NDST4: variants seen among roughly 807,000 people sequenced by gnomAD.
NDST4 encodes the protein N-deacetylase and N-sulfotransferase 4.
A neutral mutation model predicts 100.8 loss-of-function variants in NDST4; 63 were observed. That is an observed-to-expected ratio of 0.62 (90% CI 0.51 to 0.77). The LOEUF (loss-of-function observed/expected upper bound fraction) is 0.77, where lower values mean the gene tolerates loss of function less well. Among genes scored for constraint, NDST4 ranks in the 30% least tolerant of loss-of-function variants. The probability of loss-of-function intolerance (pLI) is 0.00; values close to 1 mark genes in which losing one functional copy is unlikely to be tolerated. For missense variants in NDST4, 943 were observed against 1,018.4 expected (o/e 0.93, Z 1.01); for synonymous variants, 377 against 361.8 (o/e 1.04, Z -0.48).
chr4:114,899,140 A>T (rs1312395216), intron 6 of NDST4, among the ~76,000 whole-genome samples: 2 of 152,046 alleles, frequency 1.3e-5, no homozygotes, highest in Admixed American at 1.3e-4. Flanking sequence ...GTTTCTCAAC[A>T]TTAAGTATGA....
intron 6 of NDST4, among the ~76,000 whole-genome samples, chr4:114,923,229 A>T (rs17486477): frequency 6.6e-6 from 1 of 152,018 alleles, no homozygotes; most frequent in Non-Finnish European, 1.5e-5. Flanking sequence ...AAATATAAAA[A>T]TAGGAAAATA....
At chr4:115,106,627 A>G (rs1560602282) in intron 1 of NDST4, among the ~76,000 whole-genome samples, 1 of 152,158 alleles carries the variant, frequency 6.6e-6, no homozygotes, top group Non-Finnish European at 1.5e-5. Flanking sequence ...ACAGGAAAAA[A>G]TGCCTGCACA....
intron 2 of NDST4, among the ~76,000 whole-genome samples, chr4:115,007,717 C>T (rs1450134449): frequency 1.5e-5 from 2 of 129,490 alleles, no homozygotes; most frequent in African/African-American, 5.8e-5. Context: ...TAAAAGACCT[C>T]ATTAGCTGAT....
chr4:114,958,377 GT>G (rs1214178273), intron 4 of NDST4, among the ~76,000 whole-genome samples: 18 of 147,758 alleles, frequency 1.2e-4, no homozygotes, highest in African/African-American at 4.8e-4. Flanking sequence ...TTTGTAACAT[GT>G]TCCTCATCTC....
At chr4:114,894,652 AG>A (rs1385579555) in intron 6 of NDST4, among the ~76,000 whole-genome samples, 1 of 152,070 alleles carries the variant, frequency 6.6e-6, no homozygotes, top group Non-Finnish European at 1.5e-5. Flanking sequence ...TGAGATGATG[AG>A]GTTTCCTAAA....
At chr4:114,961,178 A>T (rs1726254756) in intron 4 of NDST4, among the ~76,000 whole-genome samples, 2 of 152,042 alleles carry the variant, frequency 1.3e-5, no homozygotes, top group African/African-American at 2.4e-5. Flanking sequence ...CCAACTTACT[A>T]ATACTTAGAG....
chr4:115,039,646 T>C (rs925905979), intron 2 of NDST4, among the ~76,000 whole-genome samples: 2 of 152,228 alleles, frequency 1.3e-5, no homozygotes, highest in African/African-American at 4.8e-5. Flanking sequence ...CAAAGCTAAA[T>C]GTACACCATG....
chr4:114,935,346 A>T lies in NDST4; in HGVS notation c.1408-12T>A. 3.2e-6 allele frequency: 5 copies of T among 1,559,294 alleles called. No individual in the cohort carries two copies. The highest frequency in any genetic ancestry group is 4.3e-6 in the Non-Finnish European group (5 of 1,153,600). On this transcript the variant is annotated splice_polypyrimidine_tract_variant and intron_variant, in intron 5 of 13. Transcript: ENST00000264363. ...TGTCGAGGGAGGACCTGAGTAAAAA[A>T]GGGGAAAAACAGCACATGGACGTGA...
At chr4:115,045,670 T>C (rs1728450145) in intron 2 of NDST4, among the ~76,000 whole-genome samples, 1 of 152,168 alleles carries the variant, frequency 6.6e-6, no homozygotes, top group African/African-American at 2.4e-5. Flanking sequence ...ACTGAGTCTG[T>C]CTTACAGAAG....
At chr4:115,074,558 G>A (rs953077268) in intron 2 of NDST4, among the ~76,000 whole-genome samples, 2 of 151,930 alleles carry the variant, frequency 1.3e-5, no homozygotes, top group African/African-American at 2.4e-5. Flanking sequence ...ACTCAATTGC[G>A]GTCACTTTAT....
chr4:115,046,811 A>C (rs1440167448), intron 2 of NDST4, among the ~76,000 whole-genome samples: 1 of 152,202 alleles, frequency 6.6e-6, no homozygotes, highest in Non-Finnish European at 1.5e-5. Context: ...TATCTCTGAA[A>C]TATTGCCCAA....
chr4:114,934,553 C>CAA (rs60204040), intron 6 of NDST4, among the ~76,000 whole-genome samples: 15 of 117,356 alleles, frequency 1.3e-4, no homozygotes, highest in East Asian at 1.2e-3. Flanking sequence ...GACTGCCTCT[C>CAA]AAAAAAAAAA....
intron 6 of NDST4, among the ~76,000 whole-genome samples, chr4:114,931,940 T>C (rs1725525206): frequency 6.6e-6 from 1 of 151,878 alleles, no homozygotes; most frequent in Non-Finnish European, 1.5e-5. Flanking sequence ...ATCAAATCCT[T>C]CTCAAACTCT....
At chr4:114,835,797 G>T (rs1723294268) in intron 11 of NDST4, among the ~76,000 whole-genome samples, 1 of 152,222 alleles carries the variant, frequency 6.6e-6, no homozygotes, top group Non-Finnish European at 1.5e-5. Flanking sequence ...GGGTGCACCT[G>T]TATTTGGTGC....
At chr4:115,040,967 G>T (rs907290090) in intron 2 of NDST4, among the ~76,000 whole-genome samples, 21 of 151,954 alleles carry the variant, frequency 1.4e-4, no homozygotes, top group African/African-American at 4.8e-4. Context: ...AAATTAATAG[G>T]TAAAAAGAAC....
At chr4:114,859,338 A>G (rs1277230666) in intron 7 of NDST4, among the ~76,000 whole-genome samples, 7 of 152,150 alleles carry the variant, frequency 4.6e-5, no homozygotes, top group Non-Finnish European at 7.4e-5. Flanking sequence ...GAAAATAATC[A>G]CTGATTTCAC....
In NDST4 at chr4:114,878,445, TA is replaced by T. The variant is rs902690629; in HGVS notation, c.1537-7496del. ...TAATAGTAATTAAAGAGTTAACAAA[TA>T]AAAAAAGGGTATCGATTAAAATATC... On this transcript the variant is annotated intron_variant, in intron 6 of 13. Transcript: ENST00000264363. 5.9e-5 allele frequency among the ~76,000 whole-genome samples: 9 copies of T among 151,776 alleles called. No homozygotes were observed. The East Asian group carries it at 1.5e-3, about 26-fold the overall frequency.
chr4:115,033,764 T>A (rs1728173934), intron 2 of NDST4, among the ~76,000 whole-genome samples: 1 of 151,522 alleles, frequency 6.6e-6, no homozygotes, highest in Admixed American at 6.6e-5. Flanking sequence ...ATTTGAACGA[T>A]GTTTATCAAG....
rs193201649 is a variant in NDST4, at chr4:114,858,189, G to A, written c.1720-5368C>T. Among the ~76,000 whole-genome samples the A allele has an allele frequency of 8.9e-4, 136 of 152,260 alleles. 1 individual carries two copies. The highest frequency in any genetic ancestry group is 3.0e-3 in the African/African-American group (125 of 41,546). Reference sequence around the variant, plus strand: ...CAAATACTTTCAAATCTCAGAAATAGCATTATCCTGCCACTTAGTGAAACA... The same window carrying A: ...CAAATACTTTCAAATCTCAGAAATAACATTATCCTGCCACTTAGTGAAACA... On this transcript the variant is annotated intron_variant, in intron 7 of 13. Transcript: ENST00000264363.
Sources: allele counts gnomAD v4.1 joint callset (sites outside exome capture counted in the v4.1 genomes callset), GRCh38; gene constraint gnomAD v4.1.1; transcripts MANE v1.5; gene names NCBI Gene and HGNC (gene_info 2026-07-23, HGNC 2026-07-21).